The following SCN1A variants were observed in gnomAD, a reference collection of about 807,000 sequenced individuals.
The protein encoded by SCN1A is sodium channel protein type 1 subunit alpha.
In SCN1A, 13 loss-of-function variants were observed where a neutral mutation model predicts 193.7. The ratio of observed to expected loss-of-function variants is 0.07; its 90% confidence interval spans 0.04 to 0.11. The LOEUF is 0.11. Among genes scored for constraint, SCN1A ranks in the 10% least tolerant of loss-of-function variants. The pLI, the probability that SCN1A is intolerant of heterozygous loss-of-function variation, is 1.00. For synonymous variants in SCN1A, 781 were observed against 843.6 expected, an observed-to-expected ratio of 0.93 and a Z score of 1.29; for missense variants, 1,432 against 2,451.1, an observed-to-expected ratio of 0.58 and a Z score of 8.78.
At chr2:166,113,468 A>G (rs754617180) in intron 2 of SCN1A, among the ~76,000 whole-genome samples, 2 of 152,170 alleles carry the variant, frequency 1.3e-5, no homozygotes, top group Non-Finnish European at 2.9e-5. Flanking sequence ...CCCAATAAAT[A>G]TGAATATTAC....
At chr2:166,057,786 C>G (rs1699277393) in intron 5 of SCN1A, among the ~76,000 whole-genome samples, 1 of 151,770 alleles carries the variant, frequency 6.6e-6, no homozygotes, top group African/African-American at 2.4e-5. Flanking sequence ...ATTTTAATAT[C>G]TATTATTGTC....
chr2:166,107,347 G>A (rs1227753967), intron 2 of SCN1A, among the ~76,000 whole-genome samples: 1 of 152,026 alleles, frequency 6.6e-6, no homozygotes, highest in Non-Finnish European at 1.5e-5. Context: ...ATCGTGCAAA[G>A]TACTTTACCC....
At chr2:166,118,662 G>A (rs1211980022) in intron 2 of SCN1A, among the ~76,000 whole-genome samples, 1 of 151,936 alleles carries the variant, frequency 6.6e-6, no homozygotes, top group Non-Finnish European at 1.5e-5. Context: ...TCACATTCCA[G>A]GGTAATATCA....
intron 2 of SCN1A, among the ~76,000 whole-genome samples, chr2:166,094,692 T>A (rs1485634264): frequency 6.6e-6 from 1 of 151,810 alleles, no homozygotes; most frequent in Non-Finnish European, 1.5e-5. Flanking sequence ...TGGAGTAGAA[T>A]AGAATTTAAC....
intron 19 of SCN1A, among the ~76,000 whole-genome samples, chr2:166,030,748 C>G (rs1296224318): frequency 6.6e-6 from 1 of 151,864 alleles, no homozygotes; most frequent in South Asian, 2.1e-4. Flanking sequence ...AGCTCTTAAT[C>G]TAGTATCCAT....
chr2:166,131,558 G>A (rs16851571), upstream of SCN1A, among the ~76,000 whole-genome samples: 3,629 of 152,230 alleles, frequency 0.024, 324 homozygotes, highest in Admixed American at 0.16. Context: ...GGAAAAAGCT[G>A]GGCCAGGTAA....
chr2:166,090,313 G>A (rs1259313475), intron 2 of SCN1A, among the ~76,000 whole-genome samples: 3 of 151,992 alleles, frequency 2.0e-5, no homozygotes, highest in African/African-American at 4.8e-5. Flanking sequence ...TGACAGGCAT[G>A]AGCCATTGTA....
chr2:166,074,006 CTG>C (rs1322645273), intron 3 of SCN1A, among the ~76,000 whole-genome samples: 2 of 152,260 alleles, frequency 1.3e-5, no homozygotes, highest in East Asian at 3.9e-4. Flanking sequence ...AAGATGGAGA[CTG>C]TGCGTATAAA....
At chr2:166,135,906 A>G (rs1360432195) in intron 1 of SCN1A, among the ~76,000 whole-genome samples, 1 of 152,324 alleles carries the variant, frequency 6.6e-6, no homozygotes, top group East Asian at 1.9e-4. Context: ...GAAGATTCGG[A>G]TGTGAGCATG....
chr2:166,115,691 A>G (rs1323967431), intron 2 of SCN1A, among the ~76,000 whole-genome samples: 1 of 152,200 alleles, frequency 6.6e-6, no homozygotes, highest in Non-Finnish European at 1.5e-5. Flanking sequence ...ATTAAAGGTA[A>G]CCCTAAAAAT....
In SCN1A at chr2:165,991,825, G is replaced by A. The variant is rs1354769447; in HGVS notation, c.5450C>T (p.Pro1817Leu). 1 of 1,613,828 alleles carries A rather than the reference G, an allele frequency of 6.2e-7. No homozygotes were observed. Among genetic ancestry groups the A allele is most frequent in the East Asian group, 2.2e-5 (1 of 44,846 alleles). Residue 1817 changes from proline (P) to leucine (L), a missense_variant, in exon 29 of 29, where the codon CCC (proline) becomes CTC (leucine). Physicochemically the swap from Pro to Leu is moderately conservative, Grantham distance 98. Around this residue, in one of 18 missense-constraint regions of SCN1A, gnomAD observed 59 missense variants for 110.6 expected, o/e 0.53. Coordinates refer to ENST00000674923, the MANE Select transcript of SCN1A (RefSeq NM_001165963.4). ...MFYEVWEKFD[P>L]DATQFMEFEK... ...AAATTCCATGAACTGAGTTGCATCG[G>A]GATCAAACTTCTCCCAAACCTCATA...
intron 9 of SCN1A, among the ~76,000 whole-genome samples, chr2:166,049,921 T>C (rs1027754051): frequency 6.6e-6 from 1 of 152,014 alleles, no homozygotes; most frequent in Non-Finnish European, 1.5e-5. Flanking sequence ...GAGAAAAACA[T>C]GGAATTAAAC....
At chr2:166,003,872 C>A (rs1365387744) in intron 23 of SCN1A, among the ~76,000 whole-genome samples, 8 of 12,066 alleles carry the variant, frequency 6.6e-4, no homozygotes, top group Non-Finnish European at 4.9e-4. Context: ...TTTTAACTGC[C>A]TGTCTGAAAA....
rs375953445 is a variant in SCN1A at position 166,036,090 on chromosome 2, C to T, written c.3387G>A (p.Thr1129=). The T allele has an allele frequency of 4.5e-5, 73 of 1,613,672 alleles. No homozygotes were observed. Among genetic ancestry groups the T allele is most frequent in the East Asian group, 1.1e-4 (5 of 44,838 alleles). ...VGESDFENLN[T]EDFSSESDLE... Reference sequence around the variant, plus strand: ...GATCCGATTCACTACTAAAGTCTTCCGTGTTTAAATTTTCAAAGTCAGATT... The same window carrying T: ...GATCCGATTCACTACTAAAGTCTTCTGTGTTTAAATTTTCAAAGTCAGATT... Residue 1129 remains threonine (T), a synonymous_variant, in exon 19 of 29, where the codon ACG becomes ACA. Transcript: ENST00000674923.
chr2:165,999,545 T>A (rs1257462745), intron 25 of SCN1A, among the ~76,000 whole-genome samples, 178 bp downstream of exon 25: 2 of 151,656 alleles, frequency 1.3e-5, no homozygotes, highest in Admixed American at 6.6e-5. Flanking sequence ...TGTGTTGAAT[T>A]ATCTTAGTAA....
rs529433065 is a variant in SCN1A at position 166,147,539 on chromosome 2, C to G, written c.-50+1508G>C. 1.3e-4 allele frequency among the ~76,000 whole-genome samples: 20 copies of G among 152,214 alleles called. No individual in the cohort carries two copies. The South Asian group carries it at 4.1e-3, about 32-fold the overall frequency. On this transcript the variant is annotated intron_variant, in intron 1 of 26. Coordinates refer to the SCN1A transcript ENST00000635750. The stretch of plus-strand genomic sequence containing the variant: ...TTGTTATCTGAAAGATATATAAACT[C>G]AAAGATTATAAGTACAATTAAGTAT...
chr2:166,102,016 A>G (rs766013988), intron 2 of SCN1A, among the ~76,000 whole-genome samples: 11 of 152,268 alleles, frequency 7.2e-5, no homozygotes, highest in Non-Finnish European at 1.2e-4. Context: ...AGGAACTTAC[A>G]TAAATCAACA....
At chr2:166,113,197 G>A (rs1429175804) in intron 2 of SCN1A, among the ~76,000 whole-genome samples, 1 of 151,736 alleles carries the variant, frequency 6.6e-6, no homozygotes, top group African/African-American at 2.4e-5. Flanking sequence ...TCAGACAATT[G>A]AGTGGTGAGG....
Position 166,042,327 on chromosome 2 carries a change from A to T in SCN1A, c.2141T>A (p.Met714Lys). The change falls in exon 15 of 29, where the codon ATG (methionine) becomes AAG (lysine). Residue 714 changes from methionine (M) to lysine (K), a missense_variant. Around this residue, in one of 18 missense-constraint regions of SCN1A, gnomAD observed 316 missense variants for 362.1 expected, o/e 0.87. Transcript: ENST00000674923. ...LEDPSQRQRA[M>K]SIASILTNTV... ...ATTTGTTAGAATGCTGGCTATACTC[A>T]TTGCTCGTTGCCTTTGGGAAGGATC... is the stretch of plus-strand genomic sequence containing the variant. 6.2e-7 allele frequency: 1 copy of T among 1,613,928 alleles called. No individual in the cohort carries two copies. Among genetic ancestry groups the T allele is most frequent in the Non-Finnish European group, 8.5e-7 (1 of 1,179,878 alleles).
Sources: allele counts gnomAD v4.1 joint callset (sites outside exome capture counted in the v4.1 genomes callset), GRCh38; gene constraint gnomAD v4.1.1; regional missense constraint gnomAD v4.1.1; transcripts MANE v1.5; gene names NCBI Gene and HGNC (gene_info 2026-07-23, HGNC 2026-07-21).